Variants in HDHD5 observed in about 807,000 individuals in gnomAD.
HDHD5 encodes the protein haloacid dehalogenase like hydrolase domain containing 5.
HDHD5 carries 34 observed loss-of-function variants against 35.5 expected under a neutral mutation model. The ratio of observed to expected loss-of-function variants is 0.96; its 90% confidence interval spans 0.73 to 1.28. The LOEUF (loss-of-function observed/expected upper bound fraction) is 1.28, where lower values mean the gene tolerates loss of function less well. Ranked by LOEUF, HDHD5 falls within the 50% of genes most tolerant of loss-of-function variation. The probability of loss-of-function intolerance (pLI) is 0.00; values close to 1 mark genes in which losing one functional copy is unlikely to be tolerated. For missense variants in HDHD5, 589 were observed against 560.2 expected (o/e 1.05, Z -0.52); for synonymous variants, 248 against 240.6 (o/e 1.03, Z -0.29).
At chr22:17,140,366 G>C (rs1252442615) in intron 6 of HDHD5, among the ~76,000 whole-genome samples, 2 of 152,158 alleles carry the variant, frequency 1.3e-5, no homozygotes, top group African/African-American at 4.8e-5. Context: ...ATAGGCACCT[G>C]CATGCCCCTG....
upstream of HDHD5, among the ~76,000 whole-genome samples, chr22:17,161,264 A>C (rs951541591): frequency 6.8e-6 from 1 of 146,722 alleles, no homozygotes; most frequent in Admixed American, 6.8e-5. Flanking sequence ...AAAAAAAAGA[A>C]AGAAGAAAAA....
At chr22:17,152,351 G>T (rs1273488598) in intron 1 of HDHD5, among the ~76,000 whole-genome samples, 2 of 151,966 alleles carry the variant, frequency 1.3e-5, no homozygotes, top group African/African-American at 4.9e-5. Flanking sequence ...ACCTGGGAGA[G>T]TGGTGGTAAG....
Position 17,145,092 on chromosome 22 carries a change from C to T in HDHD5, c.469G>A (p.Val157Met), listed in dbSNP as rs779267988. The T allele has an allele frequency of 8.7e-6, 14 of 1,613,940 alleles. No homozygotes were observed. Among genetic ancestry groups the T allele is most frequent in the East Asian group, 2.2e-5 (1 of 44,824 alleles). ...QGLGFRNVVT[V>M]DELRMAFPLL... is the part of the protein sequence containing the mutation. ...GGAAAGGCCATCCGCAGCTCATCCA[C>T]GGTGACGACATTTCGGAAGCCCAGT... Residue 157 changes from valine (V) to methionine (M), a missense_variant, in exon 4 of 8, where the codon GTG becomes ATG. By Grantham distance (21) the Val-to-Met change is conservative (BLOSUM62 1). Transcript: ENST00000336737.
chr22:17,144,413 CTT>C (rs71315359), intron 4 of HDHD5, among the ~76,000 whole-genome samples: 3,853 of 132,644 alleles, frequency 0.029, 131 homozygotes, highest in African/African-American at 0.1. Flanking sequence ...CCATATGTGG[CTT>C]TTTTTTTTTT....
chr22:17,151,282 G>A (rs1196728958), intron 1 of HDHD5, among the ~76,000 whole-genome samples: 12 of 152,034 alleles, frequency 7.9e-5, no homozygotes, highest in Non-Finnish European at 1.0e-4. Context: ...TTTATAAACT[G>A]CCTGTTAACA....
chr22:17,153,048 C>CGCCA (rs1440087794), intron 1 of HDHD5, among the ~76,000 whole-genome samples: 1 of 152,182 alleles, frequency 6.6e-6, no homozygotes, highest in African/African-American at 2.4e-5. Flanking sequence ...AAGCCCCACA[C>CGCCA]GCCACACAGG....
intron 4 of HDHD5, 38 bp from the exon 5 acceptor site, chr22:17,143,169 G>T (rs371838901): frequency 5.3e-5 from 85 of 1,597,942 alleles, no homozygotes; most frequent in Non-Finnish European, 6.9e-5. Context: ...AACACAAGTC[G>T]CCTTCCACTC....
At chr22:17,142,897 A>G (rs1266755168) in intron 5 of HDHD5, 1 of 543,074 alleles carries the variant, frequency 1.8e-6, no homozygotes, top group Non-Finnish European at 3.2e-6. Context: ...TTTTCCTGGA[A>G]TAGTGAGTGG....
intron 6 of HDHD5, among the ~76,000 whole-genome samples, chr22:17,139,960 T>C (rs374273001): frequency 6.6e-6 from 1 of 152,196 alleles, no homozygotes; most frequent in East Asian, 1.9e-4. Flanking sequence ...GCTTTTCAGT[T>C]CACAGAGACA....
chr22:17,156,254 G>A (rs770367613), intron 1 of HDHD5, among the ~76,000 whole-genome samples: 14 of 152,210 alleles, frequency 9.2e-5, no homozygotes, highest in East Asian at 3.9e-4. Context: ...TACCTGACCC[G>A]ACCTTATGTA....
At chr22:17,143,005 A>G in intron 5 of HDHD5, 93 bp downstream of exon 5, 2 of 1,424,988 alleles carry the variant, frequency 1.4e-6, no homozygotes, top group Non-Finnish European at 1.9e-6. Flanking sequence ...TTGCTGCTGA[A>G]CCAGGCTGCA....
upstream of HDHD5, among the ~76,000 whole-genome samples, chr22:17,162,840 A>G (rs1471412502): frequency 6.6e-6 from 1 of 152,248 alleles, no homozygotes; most frequent in African/African-American, 2.4e-5. Context: ...TGCACGGAGC[A>G]CATATTCTGC....
In HDHD5 at chr22:17,137,783, G is replaced by A. The variant is rs35717458; in HGVS notation, c.*238C>T. 9.9e-5 allele frequency: 51 copies of A among 513,142 alleles called. No homozygotes were observed. Among genetic ancestry groups the A allele is most frequent in the Non-Finnish European group, 1.6e-4 (47 of 285,702 alleles). The allele number at this position is 513,142 out of a possible 1,614,324, so 31.8% of individuals were successfully genotyped here. A position where few individuals can be genotyped will look rare whatever the true frequency, so the allele number is the denominator to read the frequency against. On this transcript the variant is annotated 3_prime_UTR_variant, in exon 8 of 8. Coordinates refer to ENST00000336737, the MANE Select transcript of HDHD5 (RefSeq NM_033070.3). ...GAATGGCCTGAGGTTAGACTGCCACGAAAGGCACGTGGGAACTGGGCCCAG... is the reference window on the plus strand; with the variant it reads ...GAATGGCCTGAGGTTAGACTGCCACAAAAGGCACGTGGGAACTGGGCCCAG...
intron 1 of HDHD5, among the ~76,000 whole-genome samples, chr22:17,153,990 G>A (rs1345226913): frequency 6.6e-6 from 1 of 151,826 alleles, no homozygotes; most frequent in Admixed American, 6.6e-5. Context: ...CAAGTAGCTG[G>A]GACTATAGGT....
chr22:17,164,597 T>G (rs2061881202), intron 1 of HDHD5, among the ~76,000 whole-genome samples: 2 of 152,174 alleles, frequency 1.3e-5, no homozygotes, highest in Non-Finnish European at 2.9e-5. Context: ...ATGTTCACAT[T>G]CCAGCCACCA....
intron 4 of HDHD5, 102 bp from the exon 5 acceptor site, chr22:17,143,233 TC>T: frequency 7.9e-7 from 1 of 1,272,996 alleles, no homozygotes; most frequent in Non-Finnish European, 1.1e-6. Flanking sequence ...GGAGACACAC[TC>T]CACAGACCCC....
Position 17,151,382 on chromosome 22 carries a change from C to A in HDHD5, c.127-1637G>T, listed in dbSNP as rs575051498. On this transcript the variant is annotated intron_variant, in intron 1 of 7. Transcript: ENST00000336737. ...TGCCAACTAGGTCAAGTCATTCTTA[C>A]TGACACACCTACTCTACGCACAGAG... 2.6e-5 allele frequency among the ~76,000 whole-genome samples: 4 copies of A among 152,146 alleles called. No individual in the cohort carries two copies. In the South Asian group the frequency reaches 8.3e-4, roughly 32 times the overall value.
upstream of HDHD5, among the ~76,000 whole-genome samples, chr22:17,160,632 G>A (rs564763073): frequency 6.8e-6 from 1 of 148,036 alleles, no homozygotes; most frequent in African/African-American, 2.5e-5. Context: ...CTGGGTGACG[G>A]AGTGAGACTC....
At chr22:17,157,040 T>C (rs2061801569) in intron 1 of HDHD5, among the ~76,000 whole-genome samples, 1 of 147,134 alleles carries the variant, frequency 6.8e-6, no homozygotes, top group Admixed American at 6.9e-5. Context: ...ATGGCGCCAC[T>C]GCACTCCAGC....
Sources: gnomAD v4.1 joint callset for allele counts (sites outside exome capture counted in the v4.1 genomes callset) on GRCh38, gnomAD v4.1.1 for gene constraint, MANE v1.5 for transcripts, NCBI Gene and HGNC (gene_info 2026-07-23, HGNC 2026-07-21) for gene names.